The following SASH3 variants were observed in gnomAD, a reference collection of about 807,000 sequenced individuals.
SASH3 encodes the protein SAM and SH3 domain-containing protein 3.
Under a neutral mutation model 26.1 loss-of-function variants are expected in SASH3, and 7 were observed. That is an observed-to-expected ratio of 0.27 (90% CI 0.15 to 0.50). The LOEUF (loss-of-function observed/expected upper bound fraction) is 0.50, where lower values mean the gene tolerates loss of function less well. SASH3 is among the 20% of genes least tolerant of loss of function. The pLI, the probability that SASH3 is intolerant of heterozygous loss-of-function variation, is 0.98. For missense variants in SASH3, 231 were observed against 318.3 expected (o/e 0.73, Z 2.09); for synonymous variants, 138 against 136.8 (o/e 1.01, Z -0.06).
rs112942798 is a variant in SASH3 at position 129,788,263 on chromosome X, T to G, written c.154-168T>G. On this transcript the variant is annotated intron_variant, in intron 2 of 7. Transcript: ENST00000356892. Reference sequence around the variant, plus strand: ...TATACATTAAATAGCAAACTATTTATAAATTTATAGGGCTAAGGACATGGC... The same window carrying G: ...TATACATTAAATAGCAAACTATTTAGAAATTTATAGGGCTAAGGACATGGC... 10 of 553,830 alleles carry G rather than the reference T, an allele frequency of 1.8e-5. No homozygotes were observed. In the African/African-American group the frequency reaches 2.1e-4, roughly 12 times the overall value. 45.6% of individuals were successfully genotyped at this position (553,830 alleles called of 1,213,427 possible). A position where few individuals can be genotyped will look rare whatever the true frequency, so the allele number is the denominator to read the frequency against.
chrX:129,794,657 C>G lies in SASH3; in HGVS notation c.*825C>G, dbSNP rs1927301529. 9.0e-6 allele frequency: 1 copy of G among 111,630 alleles called. No homozygotes were observed. The highest frequency in any genetic ancestry group is 9.5e-5 in the Admixed American group (1 of 10,507). The allele number at this position is 111,630 out of a possible 1,213,427, so 9.2% of individuals were successfully genotyped here. ...CCATGTAATTCAGGACAAGCTGCAA[C>G]TTCCCCCAGCTTAACACAATGCCCA... On this transcript the variant is annotated 3_prime_UTR_variant, in exon 8 of 8. Coordinates refer to ENST00000356892, the MANE Select transcript of SASH3 (RefSeq NM_018990.4).
Position 129,792,976 on chromosome X carries a change from C to T in SASH3, c.802-13C>T. The T allele has an allele frequency of 8.3e-7, 1 of 1,211,105 alleles. No homozygotes were observed. Among genetic ancestry groups the T allele is most frequent in the South Asian group, 1.8e-5 (1 of 56,941 alleles). On this transcript the variant is annotated splice_polypyrimidine_tract_variant and intron_variant, in intron 6 of 7. Transcript: ENST00000356892. The stretch of plus-strand genomic sequence containing the variant: ...GGTAAGCAGCTGTGCCGATGGCCTG[C>T]CTCTGCCTACAGGAGCACACATCCA...
chrX:129,792,261 C>T (rs1170200742), intron 4 of SASH3, 67 bp from the exon 5 acceptor site: 10 of 1,123,681 alleles, frequency 8.9e-6, no homozygotes, highest in Non-Finnish European at 1.1e-5. Context: ...CTGGAAGGCA[C>T]CTGCTAGGCA....
chrX:129,787,971 C>G lies in SASH3; in HGVS notation c.58-4C>G, dbSNP rs1204280982. 1.7e-6 allele frequency: 2 copies of G among 1,207,054 alleles called. No individual in the cohort carries two copies. Among genetic ancestry groups the G allele is most frequent in the South Asian group, 3.5e-5 (2 of 56,669 alleles). On this transcript the variant is annotated splice_region_variant and splice_polypyrimidine_tract_variant and intron_variant, in intron 1 of 7. Coordinates refer to ENST00000356892, the MANE Select transcript of SASH3 (RefSeq NM_018990.4). ...ACTGATTGCAACACCCACCCTTTTT[C>G]CAGCTCTCCCTTCAGCGCTCCAGCA...
intron 1 of SASH3, among the ~76,000 whole-genome samples, chrX:129,781,069 CCAGA>C (rs1927007456): frequency 1.8e-5 from 2 of 112,139 alleles, no homozygotes; most frequent in Non-Finnish European, 1.9e-5. Flanking sequence ...AAGGATTCTC[CCAGA>C]CAATCAGCAA....
chrX:129,783,825 A>G (rs1357425583), intron 1 of SASH3, among the ~76,000 whole-genome samples: 1 of 111,622 alleles, frequency 9.0e-6, no homozygotes, highest in Non-Finnish European at 1.9e-5. Flanking sequence ...TTGCTCAGGA[A>G]GTAAGGGAAG....
At chrX:129,781,706 C>T (rs1461730321) in intron 1 of SASH3, among the ~76,000 whole-genome samples, 1 of 112,500 alleles carries the variant, frequency 8.9e-6, no homozygotes, top group African/African-American at 3.2e-5. Flanking sequence ...GCTTCAATTA[C>T]CCAGATTCTG....
At chrX:129,788,137 G>GGTCTGGC in intron 2 of SASH3, 67 bp downstream of exon 2, 1 of 354,275 alleles carries the variant, frequency 2.8e-6, no homozygotes, top group Non-Finnish European at 5.4e-6. Flanking sequence ...GGGTGGGAGG[G>GGTCTGGC]AAGAGGGTGA....
In SASH3 at chrX:129,788,511, A is replaced by G. The variant is rs143665198; in HGVS notation, c.234A>G (p.Ala78=). Residue 78 remains alanine, a synonymous_variant, in exon 3 of 8, where the codon GCA becomes GCG. Transcript: ENST00000356892. ...SGKKLGKKWR[A]VISRTMNRKM... is the part of the protein sequence containing the mutation. ...AAAAGCTGGGGAAGAAGTGGAGGGCAGTGATTTCCCGAACCATGAACAGGA... is the reference window on the plus strand; with the variant it reads ...AAAAGCTGGGGAAGAAGTGGAGGGCGGTGATTTCCCGAACCATGAACAGGA... 1 of 1,211,858 alleles carries G rather than the reference A, an allele frequency of 8.3e-7. No individual in the cohort carries two copies. The highest frequency in any genetic ancestry group is 1.1e-6 in the Non-Finnish European group (1 of 895,420).
rs1927312563 is a variant in SASH3 at position 129,795,086 on chromosome X, T to C, written c.*1254T>C. ...AGGACTGCCGGCTAAGTGGACACAC[T>C]TCTTGACCTCCTACCAGGAACTTTG... On this transcript the variant is annotated 3_prime_UTR_variant, in exon 8 of 8. Coordinates refer to ENST00000356892, the MANE Select transcript of SASH3 (RefSeq NM_018990.4). 9.0e-6 allele frequency: 1 copy of C among 111,377 alleles called. No individual in the cohort carries two copies. Among genetic ancestry groups the C allele is most frequent in the Admixed American group, 9.6e-5 (1 of 10,424 alleles). 9.2% of individuals were successfully genotyped at this position (111,377 alleles called of 1,213,427 possible).
rs984364036 is a variant in SASH3 at position 129,794,877 on chromosome X, G to C, written c.*1045G>C. 7.2e-5 allele frequency: 8 copies of C among 111,290 alleles called. No homozygotes were observed. The highest frequency in any genetic ancestry group is 2.6e-4 in the African/African-American group (8 of 30,617). The allele number at this position is 111,290 out of a possible 1,213,427, so 9.2% of individuals were successfully genotyped here. On this transcript the variant is annotated 3_prime_UTR_variant, in exon 8 of 8. Coordinates refer to ENST00000356892, the MANE Select transcript of SASH3 (RefSeq NM_018990.4). ...CAAAGAGAGCACTAAACTTGACATT[G>C]GGGGTCCACCACTCCAACTTTGCTT...
At chrX:129,783,677 G>A (rs942756783) in intron 1 of SASH3, among the ~76,000 whole-genome samples, 5 of 111,719 alleles carry the variant, frequency 4.5e-5, no homozygotes, top group Non-Finnish European at 9.4e-5. Context: ...ACGGGCATGC[G>A]GGAGGAGTTT....
rs34813627 is a variant in SASH3 at position 129,794,256 on chromosome X, A to G, written c.*424A>G. 9,294 of 152,465 alleles carry G rather than the reference A, an allele frequency of 0.061. 295 individuals are homozygous for G. The highest frequency in any genetic ancestry group is 0.09 in the Non-Finnish European group (7,043 of 78,445). The allele number at this position is 152,465 out of a possible 1,213,427, so 12.6% of individuals were successfully genotyped here. On this transcript the variant is annotated 3_prime_UTR_variant, in exon 8 of 8. Coordinates refer to ENST00000356892, the MANE Select transcript of SASH3 (RefSeq NM_018990.4). ...GGGGGCCAAGTCAATGTTTCAGGTC[A>G]GTCTAAAAACCCTAGGGAAGCTGGC...
Position 129,789,562 on chromosome X carries a change from G to A in SASH3, c.300+985G>A, listed in dbSNP as rs760840009. Among the ~76,000 whole-genome samples the A allele has an allele frequency of 1.7e-3, 191 of 111,176 alleles. 1 individual carries two copies. Among genetic ancestry groups the A allele is most frequent in the African/African-American group, 6.1e-3 (186 of 30,536 alleles). ...TAAGGCAGGAGAATTGCTTGAACCC[G>A]GGAGGTGGAGGTTTCAGTGAGCCAA... is the stretch of plus-strand genomic sequence containing the variant. On this transcript the variant is annotated intron_variant, in intron 3 of 7. Transcript: ENST00000356892.
rs1927111116 is a variant in SASH3, at chrX:129,786,605, G to C, written c.58-1370G>C. ...GGTCTTGACTGTTTATCTTGATACAGGCTCAGCCTTAACTTCTTGTGTCGA... is the reference window on the plus strand; with the variant it reads ...GGTCTTGACTGTTTATCTTGATACACGCTCAGCCTTAACTTCTTGTGTCGA... On this transcript the variant is annotated intron_variant, in intron 1 of 7. Transcript: ENST00000356892. Among the ~76,000 whole-genome samples, 4 of 111,791 alleles carry C rather than the reference G, an allele frequency of 3.6e-5. No homozygotes were observed. The Admixed American group carries it at 3.8e-4, about 11-fold the overall frequency.
rs1234973986 is a variant in SASH3, at chrX:129,795,139, G to C, written c.*1307G>C. 9.0e-6 allele frequency: 1 copy of C among 111,490 alleles called. No individual in the cohort carries two copies. Among genetic ancestry groups the C allele is most frequent in the South Asian group, 3.8e-4 (1 of 2,627 alleles). The allele number at this position is 111,490 out of a possible 1,213,427, so 9.2% of individuals were successfully genotyped here. ...AAAAGCTAGCTTTGGGGAAGGGGTT[G>C]GGTGTAAATATGAGAGGGTGGAGGG... On this transcript the variant is annotated 3_prime_UTR_variant, in exon 8 of 8. Transcript: ENST00000356892.
chrX:129,787,505 T>C (rs1028073968), intron 1 of SASH3, among the ~76,000 whole-genome samples: 1 of 111,741 alleles, frequency 8.9e-6, no homozygotes, highest in Non-Finnish European at 1.9e-5. Flanking sequence ...TTTGTTCCTA[T>C]CACTGTGACT....
At position 129,793,159 on chromosome X, in the gene SASH3, G is replaced by A. The variant is rs752808521; in HGVS notation, c.952+20G>A. 2 of 1,211,038 alleles carry A rather than the reference G, an allele frequency of 1.7e-6. No homozygotes were observed. The highest frequency in any genetic ancestry group is 2.2e-6 in the Non-Finnish European group (2 of 894,916). ...ATGACAGTGAGTGGCTTTAGGAGCG[G>A]CCTGGTGAGGGTGTGTGCCCACCGG... is the stretch of plus-strand genomic sequence containing the variant. On this transcript the variant is annotated intron_variant, in intron 7 of 7. Coordinates refer to ENST00000356892, the MANE Select transcript of SASH3 (RefSeq NM_018990.4).
intron 1 of SASH3, among the ~76,000 whole-genome samples, chrX:129,787,151 AAAT>A (rs753977940): frequency 1.8e-5 from 2 of 111,755 alleles, no homozygotes; most frequent in African/African-American, 3.3e-5. Context: ...AAAATACAAA[AAAT>A]AATAATAATA....
Sources: allele counts gnomAD v4.1 joint callset (sites outside exome capture counted in the v4.1 genomes callset), GRCh38; gene constraint gnomAD v4.1.1; transcripts MANE v1.5; gene names NCBI Gene and HGNC (gene_info 2026-07-23, HGNC 2026-07-21).